The following RHOQ variants were observed in gnomAD, a reference collection of about 807,000 sequenced individuals.
RHOQ encodes the protein rho-related GTP-binding protein RhoQ.
A neutral mutation model predicts 25.8 loss-of-function variants in RHOQ; 7 were observed. That is an observed-to-expected ratio of 0.27 (90% CI 0.15 to 0.51). The LOEUF (loss-of-function observed/expected upper bound fraction) is 0.51. Among genes scored for constraint, RHOQ ranks in the 20% least tolerant of loss-of-function variants. The pLI, the probability that RHOQ is intolerant of heterozygous loss-of-function variation, is 0.97. For synonymous variants in RHOQ, 97 were observed against 98.6 expected (o/e 0.98, Z 0.10); for missense variants, 165 against 260.6 (o/e 0.63, Z 2.53).
intron 2 of RHOQ, among the ~76,000 whole-genome samples, chr2:46,545,768 G>A (rs1455825870): frequency 1.3e-5 from 2 of 152,158 alleles, no homozygotes; most frequent in Non-Finnish European, 2.9e-5. Flanking sequence ...TGTGGTACCT[G>A]TAATCTTCAC....
intron 2 of RHOQ, among the ~76,000 whole-genome samples, chr2:46,563,610 A>G (rs1184736325): frequency 1.3e-5 from 2 of 152,114 alleles, no homozygotes; most frequent in African/African-American, 4.8e-5. Context: ...GTGGTGATGG[A>G]TGCATATTGT....
chr2:46,564,411 TCTC>T (rs1000116466), intron 2 of RHOQ, among the ~76,000 whole-genome samples: 2 of 152,174 alleles, frequency 1.3e-5, no homozygotes, highest in Non-Finnish European at 2.9e-5. Context: ...AACATTTTCA[TCTC>T]CTCCTCAGAA....
intron 2 of RHOQ, among the ~76,000 whole-genome samples, chr2:46,551,721 C>T (rs1572737618): frequency 6.6e-6 from 1 of 152,190 alleles, no homozygotes; most frequent in Non-Finnish European, 1.5e-5. Flanking sequence ...ACTGAAGCAG[C>T]CGCCTCTCCA....
At chr2:46,575,412 C>G (rs796716462) in intron 2 of RHOQ, among the ~76,000 whole-genome samples, 1 of 149,746 alleles carries the variant, frequency 6.7e-6, no homozygotes, top group African/African-American at 2.5e-5. Context: ...CACACACACA[C>G]ACACACACAC....
At chr2:46,546,512 GTATATACATATA>G (rs1668071886) in intron 2 of RHOQ, among the ~76,000 whole-genome samples, 1 of 18,758 alleles carries the variant, frequency 5.3e-5, no homozygotes, top group Non-Finnish European at 1.1e-4. Flanking sequence ...ATATATATAT[GTATATACATATA>G]TATATATACA....
chr2:46,580,291 T>C (rs1669306741), intron 4 of RHOQ: 1 of 152,390 alleles, frequency 6.6e-6, no homozygotes. Context: ...TGTACTTTTG[T>C]TGTTCCCTCT....
intron 2 of RHOQ, among the ~76,000 whole-genome samples, chr2:46,574,969 G>A (rs1669061979): frequency 6.6e-6 from 1 of 152,180 alleles, no homozygotes; most frequent in South Asian, 2.1e-4. Context: ...TTTGAAACCA[G>A]ATGAGAGTCT....
At chr2:46,559,675 A>C (rs1468959095) in intron 2 of RHOQ, among the ~76,000 whole-genome samples, 2 of 152,134 alleles carry the variant, frequency 1.3e-5, no homozygotes, top group African/African-American at 4.8e-5. Flanking sequence ...ATATTGCCAG[A>C]TGTTCTCCTG....
At chr2:46,565,916 G>A (rs1453370941) in intron 2 of RHOQ, among the ~76,000 whole-genome samples, 1 of 152,222 alleles carries the variant, frequency 6.6e-6, no homozygotes, top group Non-Finnish European at 1.5e-5. Flanking sequence ...CCACAGAAGT[G>A]TGGAGCATGG....
chr2:46,544,388 G>C (rs1667979000), intron 2 of RHOQ, among the ~76,000 whole-genome samples: 1 of 152,240 alleles, frequency 6.6e-6, no homozygotes, highest in South Asian at 2.1e-4. Flanking sequence ...CCACTCCCTG[G>C]GGTGGGGAGG....
chr2:46,564,208 G>A (rs972327986), intron 2 of RHOQ, among the ~76,000 whole-genome samples: 2 of 152,102 alleles, frequency 1.3e-5, no homozygotes, highest in African/African-American at 2.4e-5. Context: ...GGAAGACTGA[G>A]GCAGGAAGAT....
rs1468205156 is a variant in RHOQ at position 46,581,207 on chromosome 2, G to C, written c.*124G>C. Reference sequence around the variant, plus strand: ...CAAAACTTGAAAGAAAACAAAACCTGTCCTCAGAATTCTATAAAGTGTATT... The same window carrying C: ...CAAAACTTGAAAGAAAACAAAACCTCTCCTCAGAATTCTATAAAGTGTATT... On this transcript the variant is annotated 3_prime_UTR_variant, in exon 5 of 5. Coordinates refer to ENST00000238738, the MANE Select transcript of RHOQ (RefSeq NM_012249.4). 1 of 973,988 alleles carries C rather than the reference G, an allele frequency of 1.0e-6. No homozygotes were observed. The highest frequency in any genetic ancestry group is 1.5e-6 in the Non-Finnish European group (1 of 676,838). The allele number at this position is 973,988 out of a possible 1,614,324, so 60.3% of individuals were successfully genotyped here.
In RHOQ at chr2:46,576,542, A is replaced by G. The variant is rs368002446; in HGVS notation, c.367-19A>G. The G allele has an allele frequency of 1.0e-4, 145 of 1,454,956 alleles. No individual in the cohort carries two copies. In the Middle Eastern group the frequency reaches 1.2e-3, roughly 12 times the overall value. 90.1% of individuals were successfully genotyped at this position (1,454,956 alleles called of 1,614,324 possible). The stretch of plus-strand genomic sequence containing the variant: ...AAGATTTGTAATATTATGGGACATT[A>G]TTGACCTTTCTTAATTAGATTGATC... On this transcript the variant is annotated intron_variant, in intron 3 of 4. Transcript: ENST00000238738. The surrounding 1 kb of genome is among the most constrained non-coding windows in gnomAD (Gnocchi z 5.1).
At chr2:46,554,286 G>A (rs1396549439) in intron 2 of RHOQ, among the ~76,000 whole-genome samples, 2 of 152,306 alleles carry the variant, frequency 1.3e-5, no homozygotes, top group East Asian at 3.9e-4. Context: ...ACCTGGTGGA[G>A]AAGGGCCGCA....
chr2:46,565,650 T>C (rs991281044), intron 2 of RHOQ, among the ~76,000 whole-genome samples: 1 of 152,244 alleles, frequency 6.6e-6, no homozygotes, highest in African/African-American at 2.4e-5. Flanking sequence ...TCAAGCTTTG[T>C]AGCTGGTGAA....
At chr2:46,580,526 C>G (rs1415859310) in intron 4 of RHOQ, 1 of 154,086 alleles carries the variant, frequency 6.5e-6, no homozygotes, top group African/African-American at 2.4e-5. Context: ...TCAGCACTCC[C>G]CGCCTCCCTC....
intron 2 of RHOQ, among the ~76,000 whole-genome samples, chr2:46,546,489 T>TAC (rs1668063343): frequency 3.8e-5 from 1 of 26,338 alleles, no homozygotes; most frequent in Non-Finnish European, 6.5e-5. Flanking sequence ...TATATATATA[T>TAC]ATATATATAT....
rs745605616 is a variant in RHOQ, at chr2:46,577,396, C to CTTT, written c.462+759_462+761dup. On this transcript the variant is annotated intron_variant, in intron 4 of 4. Coordinates refer to ENST00000238738, the MANE Select transcript of RHOQ (RefSeq NM_012249.4). ...TGTGGAAACAGAATCCATATATGGT[C>CTTT]TTTTTTTTTTTTTTTTTTTTTGAGA... Among the ~76,000 whole-genome samples, 206 of 110,142 alleles carry CTTT rather than the reference C, an allele frequency of 1.9e-3. 4 individuals are homozygous for CTTT. The highest frequency in any genetic ancestry group is 3.9e-3 in the South Asian group (13 of 3,342). 72.3% of individuals were successfully genotyped at this position (110,142 alleles called of 152,430 possible).
intron 2 of RHOQ, among the ~76,000 whole-genome samples, chr2:46,549,210 T>G (rs1198120989): frequency 1.3e-5 from 2 of 152,172 alleles, no homozygotes; most frequent in Non-Finnish European, 2.9e-5. Flanking sequence ...ACAGGTGTGC[T>G]GAGATGCCAA....
Sources: gnomAD v4.1 joint callset for allele counts (sites outside exome capture counted in the v4.1 genomes callset) on GRCh38, gnomAD v4.1.1 for gene constraint, Gnocchi (gnomAD v3.1) non-coding constraint, MANE v1.5 for transcripts, NCBI Gene and HGNC (gene_info 2026-07-23, HGNC 2026-07-21) for gene names.